Variants in CACNA1C observed in about 807,000 individuals in gnomAD.
CACNA1C encodes calcium voltage-gated channel subunit alpha1 C.
A neutral mutation model predicts 229.0 loss-of-function variants in CACNA1C; 30 were observed. The ratio of observed to expected loss-of-function variants is 0.13; its 90% CI spans 0.10 to 0.18. The LOEUF (loss-of-function observed/expected upper bound fraction) is 0.18, where lower values mean the gene tolerates loss of function less well. CACNA1C is among the 10% of genes least tolerant of loss of function. The pLI is 1.00. For synonymous variants in CACNA1C, 1,114 were observed against 1,132.5 expected, an observed-to-expected ratio of 0.98 and a Z score of 0.33; for missense variants, 1,658 against 2,845.0, an observed-to-expected ratio of 0.58 and a Z score of 9.49.
chr12:2,533,207 C>T (rs2099845174), intron 9 of CACNA1C, among the ~76,000 whole-genome samples: 1 of 152,106 alleles, frequency 6.6e-6, no homozygotes, highest in African/African-American at 2.4e-5. Context: ...GGTTTGGGGT[C>T]GGTTTCTCCT....
intron 5 of CACNA1C, among the ~76,000 whole-genome samples, chr12:2,459,589 C>CTT: frequency 6.6e-6 from 1 of 152,276 alleles, no homozygotes; most frequent in East Asian, 1.9e-4. Context: ...TCTGGGGGTA[C>CTT]TTAGGTATAG....
intron 3 of CACNA1C, among the ~76,000 whole-genome samples, chr12:2,330,524 G>T (rs2096510961): frequency 6.6e-6 from 1 of 152,170 alleles, no homozygotes; most frequent in South Asian, 2.1e-4. Context: ...CATTTTACAG[G>T]TGGGAAAGCT....
chr12:2,065,092 C>T (rs1474412954), intron 1 of CACNA1C, among the ~76,000 whole-genome samples: 1 of 152,204 alleles, frequency 6.6e-6, no homozygotes, highest in Non-Finnish European at 1.5e-5. Context: ...CTCTGGGCCG[C>T]TGTGCAGAGC....
chr12:2,299,824 G>A (rs954133276), intron 3 of CACNA1C, among the ~76,000 whole-genome samples: 3 of 151,978 alleles, frequency 2.0e-5, no homozygotes, highest in Non-Finnish European at 2.9e-5. Flanking sequence ...CATGTGACCC[G>A]GACAAGGCAT....
intron 3 of CACNA1C, among the ~76,000 whole-genome samples, chr12:2,304,607 G>C (rs370577379): frequency 6.6e-6 from 1 of 152,262 alleles, no homozygotes; most frequent in East Asian, 1.9e-4. Context: ...GGCAGCCCCT[G>C]CCTCCTCCTC....
In CACNA1C at chr12:2,506,128, G is replaced by A. The variant is rs577536560; in HGVS notation, c.1217+1183G>A. Among the ~76,000 whole-genome samples the A allele has an allele frequency of 3.3e-4, 50 of 152,280 alleles. 1 individual carries two copies. The South Asian group carries it at 6.0e-3, about 18-fold the overall frequency. ...CTCCCATGGAGAATGGCCCAGTAGAGACCTTGATGACAAAATGCCTTTTGC... is the reference window on the plus strand; with the variant it reads ...CTCCCATGGAGAATGGCCCAGTAGAAACCTTGATGACAAAATGCCTTTTGC... On this transcript the variant is annotated intron_variant, in intron 8 of 46. Coordinates refer to ENST00000399655, the MANE Select transcript of CACNA1C (RefSeq NM_000719.7).
chr12:2,291,354 C>T (rs1422742824), intron 3 of CACNA1C, among the ~76,000 whole-genome samples: 1 of 152,190 alleles, frequency 6.6e-6, no homozygotes, highest in Non-Finnish European at 1.5e-5. Flanking sequence ...TCTCAAGGGC[C>T]TACTCCGCCG....
At chr12:2,019,071 C>CT (rs1369858673) in intron 1 of CACNA1C, among the ~76,000 whole-genome samples, 1 of 152,180 alleles carries the variant, frequency 6.6e-6, no homozygotes, top group Non-Finnish European at 1.5e-5. Context: ...GGGTGACTCT[C>CT]TGAGTTACAT....
At chr12:2,509,030 C>T (rs1017168030) in intron 8 of CACNA1C, among the ~76,000 whole-genome samples, 4 of 152,152 alleles carry the variant, frequency 2.6e-5, no homozygotes, top group Non-Finnish European at 5.9e-5. Context: ...TTGTTTTAAG[C>T]GACTGCAAAC....
intron 3 of CACNA1C, among the ~76,000 whole-genome samples, chr12:2,256,073 A>AGTTTACAACCACACGATCCTGACCTTG (rs2077535506): frequency 3.1e-4 from 3 of 9,662 alleles, no homozygotes; most frequent in South Asian, 2.5e-3. Context: ...TCCTGACCTT[A>AGTTTACAACCACACGATCCTGACCTTG]CTAGTTTACA....
chr12:1,972,074 A>G (rs1321584979), intron 1 of CACNA1C, among the ~76,000 whole-genome samples: 1 of 152,244 alleles, frequency 6.6e-6, no homozygotes. Context: ...TCCTCTCAAA[A>G]AGACAGGGAA....
chr12:1,990,810 TTA>T (rs2039178744), intron 1 of CACNA1C, among the ~76,000 whole-genome samples: 1 of 152,184 alleles, frequency 6.6e-6, no homozygotes, highest in African/African-American at 2.4e-5. Flanking sequence ...TACATAATTA[TTA>T]TATAACATAT....
At chr12:2,546,538 A>G (rs959224807) in intron 9 of CACNA1C, among the ~76,000 whole-genome samples, 10 of 151,548 alleles carry the variant, frequency 6.6e-5, no homozygotes, top group African/African-American at 2.4e-4. Flanking sequence ...TCCGTGCAGT[A>G]GCTGGGGTCT....
chr12:2,085,031 CT>C (rs2067063060), intron 1 of CACNA1C, among the ~76,000 whole-genome samples: 1 of 152,186 alleles, frequency 6.6e-6, no homozygotes, highest in African/African-American at 2.4e-5. Context: ...CTTCATCCAA[CT>C]TTTTAATTTA....
At chr12:2,429,128 T>G (rs1357596613) in intron 3 of CACNA1C, among the ~76,000 whole-genome samples, 3 of 152,120 alleles carry the variant, frequency 2.0e-5, no homozygotes, top group Non-Finnish European at 4.4e-5. Flanking sequence ...CAGCTTTGCC[T>G]CGGTGGTCAC....
chr12:2,244,560 C>T (rs2072169065), intron 3 of CACNA1C, among the ~76,000 whole-genome samples: 2 of 152,354 alleles, frequency 1.3e-5, no homozygotes, highest in South Asian at 2.1e-4. Context: ...AGGCTGCACA[C>T]ACTTCCCTCT....
intron 3 of CACNA1C, among the ~76,000 whole-genome samples, chr12:2,173,125 C>T (rs2096546561): frequency 6.6e-6 from 1 of 152,138 alleles, no homozygotes; most frequent in Non-Finnish European, 1.5e-5. Context: ...CCGTGTTTGG[C>T]CCTAACCCAG....
At chr12:2,579,351 T>A (rs1333674948) in intron 13 of CACNA1C, among the ~76,000 whole-genome samples, 1 of 152,136 alleles carries the variant, frequency 6.6e-6, no homozygotes. Context: ...GCGGACACTC[T>A]TCCCTCGGAT....
At chr12:2,214,489 T>G (rs909507261) in intron 3 of CACNA1C, among the ~76,000 whole-genome samples, 1 of 152,076 alleles carries the variant, frequency 6.6e-6, no homozygotes, top group Non-Finnish European at 1.5e-5. Context: ...ACTGATCTCG[T>G]GAACTAGGAC....
Sources: gnomAD v4.1 joint callset for allele counts (sites outside exome capture counted in the v4.1 genomes callset) on GRCh38, gnomAD v4.1.1 for gene constraint, MANE v1.5 for transcripts, NCBI Gene and HGNC (gene_info 2026-07-23, HGNC 2026-07-21) for gene names.